The following NCALD variants were observed in gnomAD, a reference collection of about 807,000 sequenced individuals.
NCALD encodes neurocalcin-delta.
Under a neutral mutation model 18.6 loss-of-function variants are expected in NCALD, and 10 were observed. That is an observed-to-expected ratio of 0.54 (90% CI 0.33 to 0.91). The LOEUF (loss-of-function observed/expected upper bound fraction) is 0.91. Among genes scored for constraint, NCALD ranks in the 40% least tolerant of loss-of-function variants. The pLI is 0.03. For missense variants in NCALD, 184 were observed against 247.6 expected, an observed-to-expected ratio of 0.74 and a Z score of 1.72; for synonymous variants, 88 against 87.4, an observed-to-expected ratio of 1.01 and a Z score of -0.04.
intron 1 of NCALD, among the ~76,000 whole-genome samples, chr8:102,058,544 C>A (rs895969196): frequency 8.5e-5 from 13 of 152,196 alleles, no homozygotes; most frequent in Non-Finnish European, 1.3e-4. Context: ...AAACTCAGAC[C>A]TCTGCTGAGA....
chr8:101,987,996 C>T (rs912784909), intron 2 of NCALD, among the ~76,000 whole-genome samples: 2 of 151,510 alleles, frequency 1.3e-5, no homozygotes, highest in South Asian at 4.2e-4. Context: ...CTACTAAAAA[C>T]ACAAAAAAAT....
intron 1 of NCALD, among the ~76,000 whole-genome samples, chr8:101,757,188 T>C (rs1184388486): frequency 6.6e-6 from 1 of 152,196 alleles, no homozygotes; most frequent in Non-Finnish European, 1.5e-5. Flanking sequence ...CAACCTCTCA[T>C]CAAATAACCT....
intron 4 of NCALD, among the ~76,000 whole-genome samples, chr8:101,872,897 G>A (rs1433447225): frequency 6.6e-6 from 1 of 152,042 alleles, no homozygotes; most frequent in Non-Finnish European, 1.5e-5. Context: ...TCTGTGTATC[G>A]AATCAGTTCT....
intron 1 of NCALD, among the ~76,000 whole-genome samples, chr8:101,790,302 C>T (rs909815519): frequency 1.3e-5 from 2 of 152,204 alleles, no homozygotes; most frequent in Non-Finnish European, 2.9e-5. Context: ...AAACTGTTGA[C>T]AATTTTTCCT....
At chr8:101,886,650 G>A (rs779013002) in intron 4 of NCALD, among the ~76,000 whole-genome samples, 2 of 152,098 alleles carry the variant, frequency 1.3e-5, no homozygotes, top group Non-Finnish European at 2.9e-5. Flanking sequence ...CACTATTGCT[G>A]GTGCTGCTGC....
At chr8:101,983,070 C>A (rs182955066) in intron 2 of NCALD, among the ~76,000 whole-genome samples, 84 of 152,192 alleles carry the variant, frequency 5.5e-4, no homozygotes, top group Admixed American at 4.1e-3. Context: ...GACCCCCAAG[C>A]GGCTACATTC....
At chr8:101,719,035 G>A (rs1215794331) in intron 2 of NCALD, among the ~76,000 whole-genome samples, 1 of 152,148 alleles carries the variant, frequency 6.6e-6, no homozygotes, top group African/African-American at 2.4e-5. Flanking sequence ...AGTCCCACTA[G>A]TCTAGTTTTT....
intron 1 of NCALD, among the ~76,000 whole-genome samples, chr8:101,741,123 C>T (rs1281669497): frequency 1.3e-5 from 2 of 152,198 alleles, no homozygotes; most frequent in Non-Finnish European, 2.9e-5. Context: ...TCCCTGCTAG[C>T]CAGGCCAGGC....
At chr8:101,848,512 A>G (rs927806038) in intron 4 of NCALD, among the ~76,000 whole-genome samples, 6 of 152,154 alleles carry the variant, frequency 3.9e-5, no homozygotes, top group Admixed American at 3.3e-4. Context: ...AAAGTGTTTG[A>G]TACTAATTTT....
chr8:101,917,827 A>G (rs1476056289), intron 2 of NCALD, among the ~76,000 whole-genome samples: 2 of 152,012 alleles, frequency 1.3e-5, no homozygotes, highest in African/African-American at 4.8e-5. Flanking sequence ...TTGAAGCAAT[A>G]ATTTTTTAAA....
At position 101,991,679 on chromosome 8, in the gene NCALD, C is replaced by T. The variant is rs188239901; in HGVS notation, c.-157+28558G>A. 2.3e-3 allele frequency among the ~76,000 whole-genome samples: 353 copies of T among 152,186 alleles called. 4 individuals carry two copies. The highest frequency in any genetic ancestry group is 8.0e-3 in the African/African-American group (331 of 41,518). ...GAAAAGAGAGAGCAATACAGCTCAGCGAACCATCCTGTGCAAAAGGGGCTG... is the reference window on the plus strand; with the variant it reads ...GAAAAGAGAGAGCAATACAGCTCAGTGAACCATCCTGTGCAAAAGGGGCTG... On this transcript the variant is annotated intron_variant, in intron 2 of 6. Transcript: ENST00000311028.
intron 4 of NCALD, among the ~76,000 whole-genome samples, chr8:101,828,761 C>A (rs1814047013): frequency 6.6e-6 from 1 of 152,050 alleles, no homozygotes; most frequent in Non-Finnish European, 1.5e-5. Context: ...CCACCATGAC[C>A]AGCTTCTTAT....
intron 1 of NCALD, among the ~76,000 whole-genome samples, chr8:101,772,442 A>G (rs187248839): frequency 1.2e-4 from 19 of 152,324 alleles, no homozygotes; most frequent in African/African-American, 4.3e-4. Flanking sequence ...TGGCCTGTTA[A>G]GATTTGGACT....
At position 102,014,682 on chromosome 8, in the gene NCALD, A is replaced by G. The variant is rs946258760; in HGVS notation, c.-157+5555T>C. Among the ~76,000 whole-genome samples the G allele has an allele frequency of 5.9e-5, 9 of 152,194 alleles. No homozygotes were observed. The East Asian group carries it at 1.5e-3, about 26-fold the overall frequency. ...CTAGAAAATGCATTTAAATGCCTTA[A>G]TTCTGTGCACTATACCCCCCACCCC... On this transcript the variant is annotated intron_variant, in intron 2 of 6. Coordinates refer to the NCALD transcript ENST00000311028.
intron 4 of NCALD, among the ~76,000 whole-genome samples, chr8:101,864,705 C>G (rs1270118542): frequency 1.3e-5 from 2 of 150,682 alleles, no homozygotes; most frequent in East Asian, 3.9e-4. Context: ...AGCGATTCTT[C>G]TGTCTCAGCC....
chr8:101,948,564 T>C (rs1461569221), intron 2 of NCALD, among the ~76,000 whole-genome samples: 3 of 152,132 alleles, frequency 2.0e-5, no homozygotes, highest in Admixed American at 6.5e-5. Context: ...AGCATATAGA[T>C]GGTGATTAAA....
chr8:101,759,822 G>A (rs1811039147), intron 1 of NCALD, among the ~76,000 whole-genome samples: 2 of 152,148 alleles, frequency 1.3e-5, no homozygotes, highest in Non-Finnish European at 2.9e-5. Context: ...CTGTCATTCG[G>A]GGCATCAGAT....
chr8:101,894,382 T>G (rs202124889), intron 3 of NCALD, among the ~76,000 whole-genome samples: 37,186 of 119,526 alleles, frequency 0.31, 7,746 homozygotes, highest in African/African-American at 0.63. Flanking sequence ...GGGAAATTTA[T>G]AGCACTAAAT....
At chr8:101,756,728 C>T (rs1669231856) in intron 1 of NCALD, among the ~76,000 whole-genome samples, 1 of 152,214 alleles carries the variant, frequency 6.6e-6, no homozygotes, top group Non-Finnish European at 1.5e-5. Context: ...TCACCAGTTA[C>T]AAATGCACCT....
Sources: gnomAD v4.1 joint callset for allele counts (sites outside exome capture counted in the v4.1 genomes callset) on GRCh38, gnomAD v4.1.1 for gene constraint, MANE v1.5 for transcripts, NCBI Gene and HGNC (gene_info 2026-07-23, HGNC 2026-07-21) for gene names.